The following FHIT variants were observed in gnomAD, a reference collection of about 807,000 sequenced individuals.
FHIT encodes fragile histidine triad diadenosine triphosphatase.
In FHIT, 19 loss-of-function variants were observed where a neutral mutation model predicts 17.9. That is an observed-to-expected ratio of 1.06 (90% confidence interval 0.74 to 1.56). The LOEUF (loss-of-function observed/expected upper bound fraction) is 1.56, where lower values mean the gene tolerates loss of function less well. FHIT is among the 40% of genes most tolerant of loss of function. The pLI is 0.00. For synonymous variants in FHIT, 81 were observed against 69.7 expected (o/e 1.16, Z -0.81); for missense variants, 248 against 189.2 (o/e 1.31, Z -1.82).
rs1202491315 is a variant in FHIT at position 60,255,724 on chromosome 3, A to G, written c.104-241572T>C. Among the ~76,000 whole-genome samples, 2 of 152,186 alleles carry G rather than the reference A, an allele frequency of 1.3e-5. 1 individual carries two copies. Among genetic ancestry groups the G allele is most frequent in the South Asian group, 4.1e-4 (2 of 4,830 alleles). On this transcript the variant is annotated intron_variant, in intron 5 of 9. Coordinates refer to ENST00000492590, the MANE Select transcript of FHIT (RefSeq NM_002012.4). ...CAGTCAGTGGCCTCCAGGAGGAACC[A>G]TGAGACATTAGTCTGCAGCCTTAGA...
chr3:59,958,513 A>G (rs992891186), intron 7 of FHIT, among the ~76,000 whole-genome samples: 3 of 152,222 alleles, frequency 2.0e-5, no homozygotes, highest in African/African-American at 7.2e-5. Flanking sequence ...ATGAAGTGCT[A>G]TAATTAGGTA....
intron 5 of FHIT, among the ~76,000 whole-genome samples, chr3:60,161,816 T>C (rs1359310661): frequency 1.3e-5 from 2 of 152,074 alleles, no homozygotes; most frequent in South Asian, 2.1e-4. Context: ...GAGGGGCACC[T>C]GGGAAAATCA....
intron 8 of FHIT, among the ~76,000 whole-genome samples, chr3:59,763,499 G>A (rs1489020989): frequency 6.6e-6 from 1 of 152,206 alleles, no homozygotes; most frequent in African/African-American, 2.4e-5. Flanking sequence ...TTTAAAGCTT[G>A]TTTCTCTGCA....
At chr3:60,414,524 C>A (rs1702175503) in intron 5 of FHIT, among the ~76,000 whole-genome samples, 1 of 152,136 alleles carries the variant, frequency 6.6e-6, no homozygotes, top group Admixed American at 6.5e-5. Flanking sequence ...AAAGGAAGGA[C>A]CTCTATTACT....
chr3:60,273,962 T>C (rs1706995301), intron 5 of FHIT, among the ~76,000 whole-genome samples: 1 of 151,768 alleles, frequency 6.6e-6, no homozygotes, highest in South Asian at 2.1e-4. Context: ...TTTATTAAAA[T>C]AATTAATATT....
rs551916712 is a variant in FHIT at position 60,218,152 on chromosome 3, G to A, written c.104-204000C>T. Among the ~76,000 whole-genome samples, 50 of 152,110 alleles carry A rather than the reference G, an allele frequency of 3.3e-4. 1 individual carries two copies. The South Asian group carries it at 9.3e-3, about 28-fold the overall frequency. ...AACATAAACAAAACTTCTTTCGGTC[G>A]TCAATCTTTTTTAGGAGTATAAAGG... is the stretch of plus-strand genomic sequence containing the variant. On this transcript the variant is annotated intron_variant, in intron 5 of 9. Coordinates refer to ENST00000492590, the MANE Select transcript of FHIT (RefSeq NM_002012.4).
chr3:60,816,775 A>G (rs1701755559), intron 4 of FHIT, among the ~76,000 whole-genome samples: 1 of 151,776 alleles, frequency 6.6e-6, no homozygotes, highest in Admixed American at 6.6e-5. Flanking sequence ...GCTCCTCTTC[A>G]ATTTTTTGGA....
chr3:60,807,847 AAAT>A (rs1298406365), intron 4 of FHIT, among the ~76,000 whole-genome samples: 10 of 150,690 alleles, frequency 6.6e-5, no homozygotes, highest in Non-Finnish European at 1.2e-4. Context: ...ACTAAAAAAA[AAAT>A]AAAATAAAAA....
intron 5 of FHIT, among the ~76,000 whole-genome samples, chr3:60,370,674 G>A (rs1026416741): frequency 1.3e-5 from 2 of 151,912 alleles, no homozygotes; most frequent in African/African-American, 2.4e-5. Flanking sequence ...TAAGCCCCAA[G>A]AGCTTCCTCC....
At chr3:61,108,220 T>G (rs2106877713) in intron 2 of FHIT, among the ~76,000 whole-genome samples, 1 of 152,334 alleles carries the variant, frequency 6.6e-6, no homozygotes, top group South Asian at 2.1e-4. Flanking sequence ...TTAATAATGT[T>G]CACTAACCCA....
chr3:60,705,536 C>T (rs1387332298), intron 4 of FHIT, among the ~76,000 whole-genome samples: 6 of 152,158 alleles, frequency 3.9e-5, no homozygotes, highest in South Asian at 4.1e-4. Flanking sequence ...CTATTGAATT[C>T]GGGTTTGAAA....
At chr3:60,649,004 T>C (rs1186652798) in intron 4 of FHIT, among the ~76,000 whole-genome samples, 1 of 152,364 alleles carries the variant, frequency 6.6e-6, no homozygotes, top group East Asian at 1.9e-4. Context: ...TACCTACATA[T>C]ACACACATAT....
rs540729856 is a variant in FHIT at position 59,859,495 on chromosome 3, A to G, written c.348+62851T>C. Reference sequence around the variant, plus strand: ...CACTTTGGGAGGCTGAGGCGGGTGGATCACCTGAGGTTAGGAGTTCAAGCC... The same window carrying G: ...CACTTTGGGAGGCTGAGGCGGGTGGGTCACCTGAGGTTAGGAGTTCAAGCC... On this transcript the variant is annotated intron_variant, in intron 8 of 9. Coordinates refer to ENST00000492590, the MANE Select transcript of FHIT (RefSeq NM_002012.4). Among the ~76,000 whole-genome samples the G allele has an allele frequency of 7.2e-5, 11 of 152,292 alleles. No homozygotes were observed. The South Asian group carries it at 1.9e-3, about 26-fold the overall frequency.
chr3:59,773,884 T>C (rs778924932), intron 8 of FHIT, among the ~76,000 whole-genome samples: 7 of 152,164 alleles, frequency 4.6e-5, no homozygotes, highest in Non-Finnish European at 8.8e-5. Flanking sequence ...GTATTGCAGG[T>C]GTAAAGTACA....
chr3:60,848,055 C>T (rs1341109365), intron 3 of FHIT, among the ~76,000 whole-genome samples: 2 of 152,176 alleles, frequency 1.3e-5, no homozygotes, highest in East Asian at 3.9e-4. Flanking sequence ...GTGCCAATGG[C>T]TGTGGCCTCT....
intron 4 of FHIT, among the ~76,000 whole-genome samples, chr3:60,606,630 C>G (rs782732356): frequency 1.3e-5 from 2 of 152,076 alleles, no homozygotes; most frequent in African/African-American, 4.8e-5. Flanking sequence ...TCATTCCACT[C>G]CAGAATTTGA....
At chr3:60,169,189 T>C (rs927332311) in intron 5 of FHIT, among the ~76,000 whole-genome samples, 1 of 152,172 alleles carries the variant, frequency 6.6e-6, no homozygotes, top group African/African-American at 2.4e-5. Flanking sequence ...TCCACGTTTG[T>C]TTCCTGCCCC....
In FHIT at chr3:59,770,220, G is replaced by A. The variant is rs183826342; in HGVS notation, c.349-17899C>T. Among the ~76,000 whole-genome samples the A allele has an allele frequency of 1.6e-3, 236 of 152,234 alleles. 3 individuals carry two copies. The highest frequency in any genetic ancestry group is 0.013 in the Admixed American group (200 of 15,294). ...TTTTTGTGGACTATCTCATCGAATC[G>A]TCCTAACAACCCTATGTGGTAATTA... On this transcript the variant is annotated intron_variant, in intron 8 of 9. Transcript: ENST00000492590.
chr3:61,209,527 T>TG (rs938050643), intron 1 of FHIT, among the ~76,000 whole-genome samples: 1 of 151,904 alleles, frequency 6.6e-6, no homozygotes, highest in African/African-American at 2.4e-5. Flanking sequence ...TTTTTATTAT[T>TG]TTTTTTCTAA....
Sources: gnomAD v4.1 joint callset for allele counts (sites outside exome capture counted in the v4.1 genomes callset) on GRCh38, gnomAD v4.1.1 for gene constraint, MANE v1.5 for transcripts, NCBI Gene and HGNC (gene_info 2026-07-23, HGNC 2026-07-21) for gene names.